Variants in NTM observed in about 807,000 individuals in gnomAD.
NTM encodes the protein IgLON family member 2.
A neutral mutation model predicts 42.1 loss-of-function variants in NTM; 13 were observed. The observed-to-expected ratio is 0.31, with a 90% CI of 0.20 to 0.49. NTM has a LOEUF of 0.49. Ranked by LOEUF, NTM falls within the 20% of genes least tolerant of loss-of-function variation. The pLI, the probability that NTM is intolerant of heterozygous loss-of-function variation, is 0.99. For synonymous variants in NTM, 187 were observed against 179.2 expected (o/e 1.04, Z -0.35); for missense variants, 373 against 452.8 (o/e 0.82, Z 1.60).
At position 132,194,423 on chromosome 11, in the gene NTM, T is replaced by C. The variant is rs2079839449; in HGVS notation, c.401-17599T>C. 2.0e-5 allele frequency among the ~76,000 whole-genome samples: 3 copies of C among 152,240 alleles called. No homozygotes were observed. In the South Asian group the frequency reaches 6.2e-4, roughly 32 times the overall value. ...CTCAATAAAATTCAACATTCCTTCA[T>C]GTTAAAAACCCCTCAACAAATTAGG... On this transcript the variant is annotated intron_variant, in intron 3 of 8. Coordinates refer to ENST00000683400, the MANE Select transcript of NTM (RefSeq NM_001352005.2).
intron 7 of NTM, among the ~76,000 whole-genome samples, chr11:132,317,196 G>T (rs576255141): frequency 1.3e-5 from 2 of 152,120 alleles, no homozygotes; most frequent in African/African-American, 4.8e-5. Context: ...TTCTGCTCCC[G>T]CACTCCTGAA....
chr11:132,099,569 G>A (rs10894497), intron 2 of NTM, among the ~76,000 whole-genome samples: 84,665 of 151,850 alleles, frequency 0.56, 23,970 homozygotes, highest in African/African-American at 0.6. Flanking sequence ...ACTTGCCCCG[G>A]GTAGGTTATC....
chr11:131,592,643 C>A (rs915149164), intron 1 of NTM, among the ~76,000 whole-genome samples: 1 of 107,580 alleles, frequency 9.3e-6, no homozygotes, highest in African/African-American at 4.1e-5. Flanking sequence ...ACACACACAC[C>A]CCAAACACAC....
In NTM at chr11:131,631,808, C is replaced by T. The variant is rs374900410; in HGVS notation, c.82+260920C>T. On this transcript the variant is annotated intron_variant, in intron 1 of 8. Transcript: ENST00000683400. ...TGTATCTTTCAGGCAACTCGGCTGC[C>T]GTAATGTTTTGGGATGACATTTTAT... Among the ~76,000 whole-genome samples, 12 of 152,258 alleles carry T rather than the reference C, an allele frequency of 7.9e-5. No individual in the cohort carries two copies. In the South Asian group the frequency reaches 2.1e-3, roughly 26 times the overall value.
chr11:131,680,386 C>CCTGTGTGTGTGTGCGT (rs2072246759), intron 1 of NTM, among the ~76,000 whole-genome samples: 1 of 141,474 alleles, frequency 7.1e-6, no homozygotes, highest in East Asian at 2.1e-4. Flanking sequence ...TCTGTGAGTG[C>CCTGTGTGTGTGTGCGT]CTGTGTGTGT....
chr11:132,055,593 C>T (rs1361797836), intron 2 of NTM, among the ~76,000 whole-genome samples: 3 of 151,942 alleles, frequency 2.0e-5, no homozygotes, highest in Admixed American at 1.3e-4. Flanking sequence ...AAGTGCTTAA[C>T]ATCAGGAGAG....
chr11:131,994,118 A>G (rs2067549833), intron 2 of NTM, among the ~76,000 whole-genome samples: 1 of 152,192 alleles, frequency 6.6e-6, no homozygotes, highest in East Asian at 1.9e-4. Context: ...AGAAGACAGT[A>G]TTAGCCAATG....
At chr11:132,057,134 G>A (rs984971721) in intron 2 of NTM, among the ~76,000 whole-genome samples, 3 of 152,212 alleles carry the variant, frequency 2.0e-5, no homozygotes, top group Non-Finnish European at 4.4e-5. Context: ...CAAATGTTTA[G>A]CCTCAATCGG....
intron 1 of NTM, among the ~76,000 whole-genome samples, chr11:131,518,786 A>G (rs1188862179): frequency 6.6e-6 from 1 of 152,198 alleles, no homozygotes; most frequent in Non-Finnish European, 1.5e-5. Context: ...ACCAGGCTTC[A>G]TTTGTATGGA....
At chr11:131,450,664 C>T (rs1028093006) in intron 1 of NTM, among the ~76,000 whole-genome samples, 1 of 152,206 alleles carries the variant, frequency 6.6e-6, no homozygotes, top group African/African-American at 2.4e-5. Flanking sequence ...GTCTCAGTTA[C>T]ATCTTTTATT....
At chr11:132,224,324 AT>A (rs757254252) in intron 4 of NTM, among the ~76,000 whole-genome samples, 7 of 151,982 alleles carry the variant, frequency 4.6e-5, no homozygotes, top group Non-Finnish European at 8.8e-5. Flanking sequence ...CATCTTGCCT[AT>A]GTTGTGGGTG....
intron 1 of NTM, among the ~76,000 whole-genome samples, chr11:131,587,170 G>T (rs1176417382): frequency 6.6e-6 from 1 of 152,192 alleles, no homozygotes; most frequent in Non-Finnish European, 1.5e-5. Flanking sequence ...CTAAGGCACA[G>T]AAAGTTTAAT....
chr11:131,459,084 T>C (rs12223297), intron 1 of NTM, among the ~76,000 whole-genome samples: 9,255 of 152,302 alleles, frequency 0.061, 657 homozygotes, highest in East Asian at 0.21. Flanking sequence ...ATACCACCTC[T>C]CCATGCAGTT....
chr11:131,888,911 T>TA (rs1419910197), intron 1 of NTM, among the ~76,000 whole-genome samples: 82 of 150,666 alleles, frequency 5.4e-4, no homozygotes, highest in African/African-American at 1.8e-3. Flanking sequence ...CCTCTTTATT[T>TA]TTTTTTTTTT....
At chr11:131,533,834 A>T (rs2051687986) in intron 1 of NTM, 1 of 152,260 alleles carries the variant, frequency 6.6e-6, no homozygotes, top group African/African-American at 2.4e-5. Flanking sequence ...GGTTTTGTCC[A>T]GCAACAAAAG....
chr11:131,791,675 AACACAGAATATCT>A (rs2136149199), intron 1 of NTM, among the ~76,000 whole-genome samples: 1 of 152,382 alleles, frequency 6.6e-6, no homozygotes, highest in South Asian at 2.1e-4. Flanking sequence ...CACATCATGT[AACACAGAATATCT>A]GCTGTGTTTG....
chr11:132,283,583 A>G (rs2094096064), intron 4 of NTM, among the ~76,000 whole-genome samples: 1 of 152,140 alleles, frequency 6.6e-6, no homozygotes, highest in African/African-American at 2.4e-5. Flanking sequence ...GGATGAAAAA[A>G]TTGGCATCTT....
intron 3 of NTM, among the ~76,000 whole-genome samples, chr11:132,199,340 T>G (rs2080801466): frequency 6.6e-6 from 1 of 152,226 alleles, no homozygotes; most frequent in African/African-American, 2.4e-5. Context: ...AGGTTCTGAA[T>G]TTTTGTTAGT....
intron 1 of NTM, among the ~76,000 whole-genome samples, chr11:131,585,197 T>C (rs1236102375): frequency 2.6e-5 from 4 of 152,250 alleles, no homozygotes; most frequent in African/African-American, 7.2e-5. Context: ...GTGAATTAGT[T>C]AGTGACTTTC....
Sources: gnomAD v4.1 joint callset for allele counts (sites outside exome capture counted in the v4.1 genomes callset) on GRCh38, gnomAD v4.1.1 for gene constraint, MANE v1.5 for transcripts, NCBI Gene and HGNC (gene_info 2026-07-23, HGNC 2026-07-21) for gene names.